The following MYO3B variants were observed in gnomAD, a reference collection of about 807,000 sequenced individuals.
MYO3B encodes the protein myosin IIIB.
Under a neutral mutation model 174.6 loss-of-function variants are expected in MYO3B, and 156 were observed. The ratio of observed to expected loss-of-function variants is 0.89; its 90% CI spans 0.78 to 1.02. MYO3B has a LOEUF of 1.02. Among genes scored for constraint, MYO3B ranks in the 50% least tolerant of loss-of-function variants. MYO3B has a pLI of 0.00. For synonymous variants in MYO3B, 563 were observed against 569.1 expected (o/e 0.99, Z 0.15); for missense variants, 1,632 against 1,639.4 (o/e 1.00, Z 0.08).
chr2:170,590,596 T>TG (rs916922918), intron 32 of MYO3B, among the ~76,000 whole-genome samples: 9 of 120,446 alleles, frequency 7.5e-5, no homozygotes, highest in African/African-American at 2.3e-4. Flanking sequence ...ATTGATTGAT[T>TG]TTTTTTTTTT....
intron 16 of MYO3B, among the ~76,000 whole-genome samples, chr2:170,393,933 G>A (rs2094429912): frequency 6.6e-6 from 1 of 152,138 alleles, no homozygotes; most frequent in Admixed American, 6.6e-5. Context: ...TTAAAGAACA[G>A]GTTTTTTAAA....
At chr2:170,333,576 C>T (rs935445113) in intron 7 of MYO3B, among the ~76,000 whole-genome samples, 1 of 152,116 alleles carries the variant, frequency 6.6e-6, no homozygotes. Context: ...CTCTTCAGAT[C>T]CAAAAGATCA....
At position 170,408,677 on chromosome 2, in the gene MYO3B, T is replaced by C. The variant is rs1168006307; in HGVS notation, c.2650+833T>C. The C allele has an allele frequency of 2.6e-5, 4 of 151,888 alleles. No individual in the cohort carries two copies. In the East Asian group the frequency reaches 7.7e-4, roughly 29 times the overall value. 9.4% of individuals were successfully genotyped at this position (151,888 alleles called of 1,614,324 possible). A position where few individuals can be genotyped will look rare whatever the true frequency, so the allele number is the denominator to read the frequency against. On this transcript the variant is annotated intron_variant, in intron 22 of 34. Coordinates refer to ENST00000408978, the MANE Select transcript of MYO3B (RefSeq NM_138995.5). ...TCACTGTTCATTGTTCACTATTTCC[T>C]CTTCTTTTCTTCCCACATCCCTCTT...
At chr2:170,646,512 A>G (rs1238036909) in intron 32 of MYO3B, among the ~76,000 whole-genome samples, 2 of 151,550 alleles carry the variant, frequency 1.3e-5, no homozygotes, top group African/African-American at 4.8e-5. Flanking sequence ...CTCCTTTCTC[A>G]GCCTCCGGAG....
chr2:170,412,797 A>C (rs2094554145), intron 22 of MYO3B, among the ~76,000 whole-genome samples: 1 of 152,166 alleles, frequency 6.6e-6, no homozygotes, highest in Non-Finnish European at 1.5e-5. Context: ...TAATTGACAA[A>C]ATTTCAGGGC....
At chr2:170,185,052 C>T (rs965740715) in intron 1 of MYO3B, among the ~76,000 whole-genome samples, 2 of 53,174 alleles carry the variant, frequency 3.8e-5, no homozygotes, top group Non-Finnish European at 5.9e-5. Flanking sequence ...GTTGTTTGAT[C>T]TCCTTATATA....
At chr2:170,268,663 G>A (rs902557248) in intron 7 of MYO3B, among the ~76,000 whole-genome samples, 19 of 151,994 alleles carry the variant, frequency 1.3e-4, no homozygotes, top group Admixed American at 3.3e-4. Context: ...TAGTTGTCTA[G>A]TTGGAAAAAC....
intron 7 of MYO3B, among the ~76,000 whole-genome samples, chr2:170,252,828 C>G (rs1477233534): frequency 6.6e-6 from 1 of 152,000 alleles, no homozygotes; most frequent in African/African-American, 2.4e-5. Flanking sequence ...TTGGAGGAAA[C>G]ATAAGTGCAA....
chr2:170,642,315 T>C (rs575286719), intron 32 of MYO3B, among the ~76,000 whole-genome samples: 1 of 152,302 alleles, frequency 6.6e-6, no homozygotes, highest in East Asian at 1.9e-4. Flanking sequence ...AAATTCCACA[T>C]AGACAATTTA....
chr2:170,619,717 C>T (rs901784776), intron 32 of MYO3B, among the ~76,000 whole-genome samples: 1 of 145,994 alleles, frequency 6.8e-6, no homozygotes, highest in African/African-American at 2.5e-5. Flanking sequence ...AAAGTGATGG[C>T]CCATCACTGC....
intron 32 of MYO3B, among the ~76,000 whole-genome samples, chr2:170,589,722 A>G (rs1693706366): frequency 6.6e-6 from 1 of 152,348 alleles, no homozygotes; most frequent in South Asian, 2.1e-4. Flanking sequence ...ACAGTAAGCT[A>G]AGGTTAATTT....
At chr2:170,289,126 A>G (rs1430622463) in intron 7 of MYO3B, among the ~76,000 whole-genome samples, 1 of 151,922 alleles carries the variant, frequency 6.6e-6, no homozygotes. Context: ...TCTGTTGAGC[A>G]TTTTTGTACA....
chr2:170,277,170 T>C (rs893690498), intron 7 of MYO3B, among the ~76,000 whole-genome samples: 3 of 152,144 alleles, frequency 2.0e-5, no homozygotes, highest in Non-Finnish European at 2.9e-5. Context: ...GTGCCAGAAA[T>C]GCAGGGCTTC....
intron 1 of MYO3B, among the ~76,000 whole-genome samples, chr2:170,195,250 T>C (rs1415726256): frequency 2.6e-5 from 4 of 152,056 alleles, no homozygotes; most frequent in Admixed American, 2.0e-4. Flanking sequence ...TCTGTTTTCA[T>C]GCCCAAAAGT....
chr2:170,367,179 A>T (rs762094652), intron 8 of MYO3B, among the ~76,000 whole-genome samples: 4 of 152,114 alleles, frequency 2.6e-5, no homozygotes, highest in Non-Finnish European at 4.4e-5. Flanking sequence ...CCTTTTGTTC[A>T]TTCTTTCTTT....
At chr2:170,366,766 CAT>C (rs2094201643) in intron 8 of MYO3B, among the ~76,000 whole-genome samples, 2 of 152,310 alleles carry the variant, frequency 1.3e-5, no homozygotes, top group South Asian at 4.1e-4. Context: ...CCCTCTCTAA[CAT>C]ATCAAATGAT....
chr2:170,524,182 T>C (rs1688856495), intron 30 of MYO3B, among the ~76,000 whole-genome samples: 1 of 152,186 alleles, frequency 6.6e-6, no homozygotes. Context: ...ACATTTTATC[T>C]CATGTAATTC....
chr2:170,541,476 T>C (rs1211520060), intron 30 of MYO3B, among the ~76,000 whole-genome samples: 2 of 152,204 alleles, frequency 1.3e-5, no homozygotes, highest in Non-Finnish European at 2.9e-5. Context: ...GGAAAATCTC[T>C]TAACCTCTCT....
intron 32 of MYO3B, chr2:170,647,857 T>C (rs1351260570): frequency 6.6e-6 from 1 of 152,166 alleles, no homozygotes; most frequent in Non-Finnish European, 1.5e-5. Flanking sequence ...AATAAAAACC[T>C]CTGATAAAAT....
Sources: allele counts gnomAD v4.1 joint callset (sites outside exome capture counted in the v4.1 genomes callset), GRCh38; gene constraint gnomAD v4.1.1; transcripts MANE v1.5; gene names NCBI Gene and HGNC (gene_info 2026-07-23, HGNC 2026-07-21).